The following PHLPP1 variants were observed in gnomAD, a reference collection of about 807,000 sequenced individuals.
PHLPP1 encodes PH domain and leucine rich repeat protein phosphatase 1.
Under a neutral mutation model 117.2 loss-of-function variants are expected in PHLPP1, and 42 were observed. That is an observed-to-expected ratio of 0.36 (90% confidence interval 0.28 to 0.46). The LOEUF is 0.46. PHLPP1 is among the 20% of genes least tolerant of loss of function. The pLI is 1.00. For synonymous variants in PHLPP1, 1,042 were observed against 970.7 expected (o/e 1.07, Z -1.37); for missense variants, 2,084 against 2,241.9 (o/e 0.93, Z 1.42).
chr18:62,860,972 A>G (rs1915616762), intron 4 of PHLPP1, among the ~76,000 whole-genome samples: 2 of 152,224 alleles, frequency 1.3e-5, no homozygotes, highest in Non-Finnish European at 2.9e-5. Context: ...TTTGAAATTT[A>G]TGAAAGGTCA....
chr18:62,838,896 G>T lies in PHLPP1; in HGVS notation c.1886G>T (p.Arg629Leu). Residue 629 changes from arginine to leucine, a missense_variant, in exon 3 of 17, where the codon CGA (arginine) becomes CTA (leucine). Physicochemically the swap from Arg to Leu is moderately radical, Grantham distance 102 (BLOSUM62 -2). This residue lies in a region of PHLPP1 where 1,365 missense variants were observed against 1,605.9 expected (regional missense o/e 0.85). Transcript: ENST00000262719. Reference protein sequence around the residue: ...DTFTEYLRWLRQVSKVASQRI... With the variant: ...DTFTEYLRWLLQVSKVASQRI... ...TTCACAGAATACTTAAGGTGGCTGC[G>T]ACAAGTCTCCAAGGTAAGCAAGCAC... is the stretch of plus-strand genomic sequence containing the variant. The T allele has an allele frequency of 6.2e-7, 1 of 1,613,780 alleles. No homozygotes were observed. Among genetic ancestry groups the T allele is most frequent in the Non-Finnish European group, 8.5e-7 (1 of 1,179,796 alleles).
chr18:62,970,687 C>T (rs1208039560), intron 14 of PHLPP1, among the ~76,000 whole-genome samples: 2 of 152,114 alleles, frequency 1.3e-5, no homozygotes, highest in Non-Finnish European at 1.5e-5. Flanking sequence ...ACCACTTGAA[C>T]CCGGGAGGCA....
chr18:62,854,961 T>C (rs1280455876), intron 3 of PHLPP1, among the ~76,000 whole-genome samples: 2 of 152,128 alleles, frequency 1.3e-5, no homozygotes, highest in Admixed American at 1.3e-4. Flanking sequence ...CCTCCCATAG[T>C]GTTGGGATTA....
chr18:62,885,380 G>T (rs1166682085), intron 4 of PHLPP1, among the ~76,000 whole-genome samples: 1 of 152,040 alleles, frequency 6.6e-6, no homozygotes, highest in Non-Finnish European at 1.5e-5. Context: ...CCTTTATATT[G>T]GCCGGGCGTG....
intron 1 of PHLPP1, among the ~76,000 whole-genome samples, chr18:62,810,764 G>A (rs985035280): frequency 6.6e-6 from 1 of 152,032 alleles, no homozygotes; most frequent in Admixed American, 6.6e-5. Context: ...ATACGTTAAA[G>A]CAATACTGAA....
chr18:62,951,273 G>A (rs1010173526), intron 12 of PHLPP1, among the ~76,000 whole-genome samples: 7 of 151,370 alleles, frequency 4.6e-5, no homozygotes, highest in Admixed American at 1.3e-4. Flanking sequence ...GAGCCACCGC[G>A]CCTGGCCAAC....
At position 62,799,688 on chromosome 18, in the gene PHLPP1, C is replaced by T. The variant is rs537731079; in HGVS notation, c.1577-30347C>T. Among the ~76,000 whole-genome samples the T allele has an allele frequency of 5.9e-5, 9 of 152,304 alleles. No individual in the cohort carries two copies. The East Asian group carries it at 1.3e-3, about 23-fold the overall frequency. ...TCATAAACCATTTATTTATGATACC[C>T]TTGTAGAATACAGTGTGTGTTCTAC... On this transcript the variant is annotated intron_variant, in intron 1 of 16. Coordinates refer to ENST00000262719, the MANE Select transcript of PHLPP1 (RefSeq NM_194449.4).
At chr18:62,824,361 C>A (rs1389835516) in intron 1 of PHLPP1, among the ~76,000 whole-genome samples, 1 of 151,540 alleles carries the variant, frequency 6.6e-6, no homozygotes, top group Non-Finnish European at 1.5e-5. Flanking sequence ...AATGGTTAAA[C>A]TGTGGTATAT....
intron 3 of PHLPP1, among the ~76,000 whole-genome samples, chr18:62,846,238 T>C (rs1478192141): frequency 7.3e-6 from 1 of 137,164 alleles, no homozygotes; most frequent in Non-Finnish European, 1.6e-5. Flanking sequence ...AAAAAGATGA[T>C]AATAAATGGA....
intron 1 of PHLPP1, among the ~76,000 whole-genome samples, chr18:62,821,971 C>T (rs913975619): frequency 1.3e-5 from 2 of 152,080 alleles, no homozygotes; most frequent in Non-Finnish European, 2.9e-5. Flanking sequence ...TGGTATGTAG[C>T]TGTAGTCCTA....
intron 13 of PHLPP1, among the ~76,000 whole-genome samples, chr18:62,960,168 A>G (rs865936460): frequency 2.6e-5 from 4 of 152,224 alleles, no homozygotes; most frequent in Non-Finnish European, 5.9e-5. Context: ...TTTGTTAATA[A>G]ATGGAAGTAG....
At chr18:62,738,981 A>G (rs1169052228) in intron 1 of PHLPP1, among the ~76,000 whole-genome samples, 1 of 152,224 alleles carries the variant, frequency 6.6e-6, no homozygotes, top group Non-Finnish European at 1.5e-5. Context: ...CCATTAACCA[A>G]CAGGCAGAAT....
rs369963205 is a variant in PHLPP1 at position 62,978,900 on chromosome 18, C to T, written c.4623C>T (p.Ser1541=). 1.3e-4 allele frequency: 206 copies of T among 1,607,038 alleles called. 3 individuals carry two copies. Among genetic ancestry groups the T allele is most frequent in the South Asian group, 1.1e-3 (103 of 89,754 alleles). Residue 1541 remains serine, a synonymous_variant, in exon 17 of 17, where the codon TCC becomes TCT. Transcript: ENST00000262719. The surrounding 1 kb of genome is among the most constrained non-coding windows in gnomAD (Gnocchi z 7.0). ...LSSATFSSAF[S]DNGLDSDDEE... ...GCGCCACGTTCTCTAGCGCCTTCTC[C>T]GACAACGGCCTTGACAGTGACGATG... is the stretch of plus-strand genomic sequence containing the variant.
chr18:62,766,293 CT>C (rs1912525622), intron 1 of PHLPP1, among the ~76,000 whole-genome samples: 1 of 150,380 alleles, frequency 6.6e-6, no homozygotes, highest in Non-Finnish European at 1.5e-5. Context: ...AACTTTCTTT[CT>C]TCTGGTTTCG....
At chr18:62,888,130 T>C (rs1353049083) in intron 4 of PHLPP1, among the ~76,000 whole-genome samples, 2 of 152,186 alleles carry the variant, frequency 1.3e-5, no homozygotes, top group African/African-American at 4.8e-5. Context: ...CAATCATCAT[T>C]AAAATATTTT....
intron 12 of PHLPP1, among the ~76,000 whole-genome samples, chr18:62,956,017 C>T (rs1686827113): frequency 6.6e-6 from 1 of 151,798 alleles, no homozygotes; most frequent in African/African-American, 2.4e-5. Flanking sequence ...TTGATGTAAC[C>T]ATTATTTATA....
At chr18:62,766,368 C>G (rs1010418800) in intron 1 of PHLPP1, among the ~76,000 whole-genome samples, 1 of 151,626 alleles carries the variant, frequency 6.6e-6, no homozygotes, top group Admixed American at 6.6e-5. Flanking sequence ...TCTAGTAACT[C>G]CCTCACTTTA....
chr18:62,915,875 T>C (rs964777306), intron 9 of PHLPP1, among the ~76,000 whole-genome samples: 2 of 152,240 alleles, frequency 1.3e-5, no homozygotes, highest in African/African-American at 2.4e-5. Flanking sequence ...CAAATTCATA[T>C]AGTTACTTGT....
chr18:62,807,005 A>G lies in PHLPP1; in HGVS notation c.1577-23030A>G, dbSNP rs112814378. ...TCAGCTTTTAGTTTAAAAATTTTTT[A>G]TAAATAAAGTTGCCCTTATTGTCTT... On this transcript the variant is annotated intron_variant, in intron 1 of 16. Transcript: ENST00000262719. Among the ~76,000 whole-genome samples the G allele has an allele frequency of 2.7e-3, 418 of 152,276 alleles. 5 individuals carry two copies. The highest frequency in any genetic ancestry group is 9.6e-3 in the African/African-American group (398 of 41,578).
Sources: allele counts gnomAD v4.1 joint callset (sites outside exome capture counted in the v4.1 genomes callset), GRCh38; gene constraint gnomAD v4.1.1; regional missense constraint gnomAD v4.1.1; non-coding constraint Gnocchi (gnomAD v3.1); transcripts MANE v1.5; gene names NCBI Gene and HGNC (gene_info 2026-07-23, HGNC 2026-07-21).